The following NELL2 variants were observed in gnomAD, a reference collection of about 807,000 sequenced individuals.
NELL2 encodes neural EGFL like 2.
In NELL2, 41 loss-of-function variants were observed where a neutral mutation model predicts 109.6. That is an observed-to-expected ratio of 0.37 (90% confidence interval 0.29 to 0.49). The LOEUF (loss-of-function observed/expected upper bound fraction) is 0.49, where lower values mean the gene tolerates loss of function less well. Among genes scored for constraint, NELL2 ranks in the 20% least tolerant of loss-of-function variants. The pLI, the probability that NELL2 is intolerant of heterozygous loss-of-function variation, is 0.98. For missense variants in NELL2, 900 were observed against 1,008.3 expected (o/e 0.89, Z 1.45); for synonymous variants, 355 against 344.7 (o/e 1.03, Z -0.33).
intron 19 of NELL2, among the ~76,000 whole-genome samples, chr12:44,514,352 G>A (rs180909952): frequency 6.6e-6 from 1 of 151,866 alleles, no homozygotes; most frequent in Non-Finnish European, 1.5e-5. Flanking sequence ...TGGTAAATAC[G>A]GTAGTCTTTC....
intron 9 of NELL2, among the ~76,000 whole-genome samples, chr12:44,773,424 G>A (rs1029482725): frequency 2.0e-5 from 3 of 151,908 alleles, no homozygotes; most frequent in African/African-American, 4.8e-5. Flanking sequence ...TGCAGTGAGC[G>A]GAAATCACGC....
intron 13 of NELL2, among the ~76,000 whole-genome samples, chr12:44,617,617 G>A (rs1945875706): frequency 2.0e-5 from 2 of 100,344 alleles, no homozygotes; most frequent in East Asian, 4.8e-4. Flanking sequence ...GCGTGAACCT[G>A]GGAGGCGGAG....
intron 14 of NELL2, among the ~76,000 whole-genome samples, chr12:44,610,427 C>T (rs537506064): frequency 3.3e-5 from 5 of 151,712 alleles, no homozygotes; most frequent in Admixed American, 6.6e-5. Flanking sequence ...GAAGGTTCAA[C>T]GAAATTAAAG....
At chr12:44,841,207 G>A (rs151276601) in intron 2 of NELL2, among the ~76,000 whole-genome samples, 6 of 152,214 alleles carry the variant, frequency 3.9e-5, no homozygotes, top group Non-Finnish European at 7.4e-5. Context: ...AAATTGCTTC[G>A]ACCTCCCTGA....
intron 3 of NELL2, among the ~76,000 whole-genome samples, chr12:44,796,142 A>G (rs1249533962): frequency 1.3e-5 from 2 of 152,158 alleles, no homozygotes; most frequent in African/African-American, 2.4e-5. Flanking sequence ...TAAATGAACT[A>G]AAAGTTGTAA....
chr12:44,665,250 C>T (rs560002779), intron 13 of NELL2, among the ~76,000 whole-genome samples: 1 of 152,148 alleles, frequency 6.6e-6, no homozygotes, highest in East Asian at 1.9e-4. Context: ...GTAGCATATA[C>T]TCATTTTTTA....
At chr12:44,790,937 A>G (rs1414422026) in intron 3 of NELL2, among the ~76,000 whole-genome samples, 1 of 150,010 alleles carries the variant, frequency 6.7e-6, no homozygotes, top group Non-Finnish European at 1.5e-5. Context: ...TATAATGGTA[A>G]AAGGCCTTGT....
intron 15 of NELL2, among the ~76,000 whole-genome samples, chr12:44,566,189 T>C (rs1943650848): frequency 6.6e-6 from 1 of 152,110 alleles, no homozygotes; most frequent in Non-Finnish European, 1.5e-5. Context: ...CAATGGCAAA[T>C]GTGATGTAGT....
chr12:44,898,725 A>T (rs1026637960), intron 1 of NELL2, among the ~76,000 whole-genome samples: 6 of 152,218 alleles, frequency 3.9e-5, no homozygotes, highest in African/African-American at 4.8e-5. Flanking sequence ...ACTCCTCGCC[A>T]GCAAGGGAAC....
chr12:44,723,620 CAGTATA>C (rs898209563), intron 9 of NELL2, among the ~76,000 whole-genome samples: 1 of 151,718 alleles, frequency 6.6e-6, no homozygotes, highest in African/African-American at 2.4e-5. Context: ...CTAGAATTTC[CAGTATA>C]AGTTTCATTT....
chr12:44,689,274 G>A (rs1262057587), intron 12 of NELL2, among the ~76,000 whole-genome samples: 10 of 152,022 alleles, frequency 6.6e-5, no homozygotes, highest in East Asian at 5.8e-4. Flanking sequence ...AGGAGATCTC[G>A]TCCACAAAGC....
chr12:44,824,108 C>T (rs1272396901), intron 2 of NELL2, among the ~76,000 whole-genome samples: 2 of 152,092 alleles, frequency 1.3e-5, no homozygotes, highest in South Asian at 2.1e-4. Context: ...TTGAGTTGCA[C>T]GAATTTCTTA....
At chr12:44,859,963 C>T (rs914567470) in intron 2 of NELL2, among the ~76,000 whole-genome samples, 1 of 152,188 alleles carries the variant, frequency 6.6e-6, no homozygotes, top group Non-Finnish European at 1.5e-5. Flanking sequence ...AAATAGCATG[C>T]TAAGTGTTGT....
At chr12:44,552,842 G>A (rs1460107077) in intron 15 of NELL2, among the ~76,000 whole-genome samples, 1 of 151,984 alleles carries the variant, frequency 6.6e-6, no homozygotes, top group Non-Finnish European at 1.5e-5. Context: ...CATAGGCCAA[G>A]GATCCCAACT....
At chr12:44,770,043 T>C (rs578101133) in intron 9 of NELL2, among the ~76,000 whole-genome samples, 2 of 152,274 alleles carry the variant, frequency 1.3e-5, no homozygotes, top group East Asian at 1.9e-4. Context: ...GTGCATTACA[T>C]ACTATTTGAT....
intron 3 of NELL2, among the ~76,000 whole-genome samples, chr12:44,803,525 T>A (rs1283176304): frequency 6.6e-6 from 1 of 152,058 alleles, no homozygotes; most frequent in East Asian, 1.9e-4. Flanking sequence ...ATAAAAATAT[T>A]TAGGGAGTTC....
chr12:44,916,253 T>C (rs1945828167), upstream of NELL2, among the ~76,000 whole-genome samples: 1 of 152,010 alleles, frequency 6.6e-6, no homozygotes, highest in Admixed American at 6.6e-5. Flanking sequence ...TGAGAAATAA[T>C]TTAAAAGGAA....
At chr12:44,705,421 G>A (rs751295247) in intron 11 of NELL2, among the ~76,000 whole-genome samples, 14 of 152,254 alleles carry the variant, frequency 9.2e-5, no homozygotes, top group East Asian at 7.7e-4. Context: ...ACTTGGCAAC[G>A]TAGCTTCTTT....
At chr12:44,819,443 G>A (rs879037429) in intron 2 of NELL2, among the ~76,000 whole-genome samples, 5 of 152,182 alleles carry the variant, frequency 3.3e-5, no homozygotes, top group Admixed American at 3.3e-4. Flanking sequence ...GCTTTGACTA[G>A]ACTAGTAATA....
Sources: allele counts gnomAD v4.1 joint callset (sites outside exome capture counted in the v4.1 genomes callset), GRCh38; gene constraint gnomAD v4.1.1; transcripts MANE v1.5; gene names NCBI Gene and HGNC (gene_info 2026-07-23, HGNC 2026-07-21).